The following MDFIC variants were observed in gnomAD, a reference collection of about 807,000 sequenced individuals.
MDFIC encodes the protein myoD family inhibitor domain-containing protein.
MDFIC carries 17 observed loss-of-function variants against 23.2 expected under a neutral mutation model. That is an observed-to-expected ratio of 0.73 (90% CI 0.50 to 1.10). MDFIC has a LOEUF of 1.10. MDFIC is among the 50% of genes least tolerant of loss of function. MDFIC has a pLI of 0.00. For synonymous variants in MDFIC, 120 were observed against 115.2 expected, an observed-to-expected ratio of 1.04 and a Z score of -0.27; for missense variants, 356 against 316.6, an observed-to-expected ratio of 1.12 and a Z score of -0.95.
chr7:114,943,465 A>C (rs1340478835), intron 3 of MDFIC, among the ~76,000 whole-genome samples: 3 of 152,282 alleles, frequency 2.0e-5, no homozygotes, highest in Non-Finnish European at 4.4e-5. Flanking sequence ...AAAGCTCTAA[A>C]AATGAGTGTT....
chr7:115,000,863 G>T (rs1025042445), intron 4 of MDFIC, among the ~76,000 whole-genome samples: 4 of 152,172 alleles, frequency 2.6e-5, no homozygotes, highest in Non-Finnish European at 5.9e-5. Context: ...ATAAATAAGT[G>T]CAGGAGAAAA....
At chr7:114,960,019 G>A (rs957520567) in intron 3 of MDFIC, among the ~76,000 whole-genome samples, 12 of 152,130 alleles carry the variant, frequency 7.9e-5, no homozygotes, top group Non-Finnish European at 1.6e-4. Context: ...TAGAGAAGGT[G>A]AGGTGTGGAG....
At chr7:114,974,283 C>A (rs1181033897) in intron 3 of MDFIC, among the ~76,000 whole-genome samples, 2 of 63,918 alleles carry the variant, frequency 3.1e-5, no homozygotes, top group Non-Finnish European at 6.0e-5. Flanking sequence ...CAAATAATTG[C>A]ATATATATGC....
intron 4 of MDFIC, among the ~76,000 whole-genome samples, chr7:114,996,419 C>G (rs957260735): frequency 3.9e-5 from 6 of 152,144 alleles, no homozygotes; most frequent in Admixed American, 6.5e-5. Context: ...AAGGAATGGC[C>G]ATTAACTGAG....
rs1242001422 is a variant in MDFIC, at chr7:114,979,493, GT to G, written c.218-8del. ...TTCTTTAACTGGCTGACTTTTTCCTGTTTTTAATTTAGCCCAACCTCAGCGC... is the reference window on the plus strand; with the variant it reads ...TTCTTTAACTGGCTGACTTTTTCCTGTTTTAATTTAGCCCAACCTCAGCGC... On this transcript the variant is annotated splice_polypyrimidine_tract_variant and intron_variant, in intron 3 of 4. Coordinates refer to ENST00000393486, the MANE Select transcript of MDFIC (RefSeq NM_001166345.3). 2 of 1,570,800 alleles carry G rather than the reference GT, an allele frequency of 1.3e-6. No homozygotes were observed. The highest frequency in any genetic ancestry group is 1.7e-6 in the Non-Finnish European group (2 of 1,161,420).
chr7:114,953,233 A>C (rs1399395776), intron 3 of MDFIC, among the ~76,000 whole-genome samples: 1 of 152,210 alleles, frequency 6.6e-6, no homozygotes, highest in African/African-American at 2.4e-5. Flanking sequence ...ATTCAAATAC[A>C]TGTAACTTGT....
intron 4 of MDFIC, among the ~76,000 whole-genome samples, chr7:115,012,275 C>G (rs1448193909): frequency 6.6e-6 from 1 of 152,142 alleles, no homozygotes; most frequent in African/African-American, 2.4e-5. Flanking sequence ...CATGAACATG[C>G]TGAACACTCA....
intron 4 of MDFIC, among the ~76,000 whole-genome samples, chr7:115,002,136 C>T (rs888618151): frequency 6.7e-6 from 1 of 148,694 alleles, no homozygotes; most frequent in Admixed American, 6.9e-5. Flanking sequence ...GCCTCTGTCT[C>T]AAAAAACAAA....
chr7:114,990,811 A>G (rs549710727), intron 4 of MDFIC, among the ~76,000 whole-genome samples: 135 of 152,234 alleles, frequency 8.9e-4, no homozygotes, highest in Non-Finnish European at 1.3e-3. Context: ...ATAAACATAC[A>G]TGTGCATGTG....
chr7:114,988,874 A>G (rs1406892355), intron 4 of MDFIC, among the ~76,000 whole-genome samples: 1 of 152,198 alleles, frequency 6.6e-6, no homozygotes, highest in Non-Finnish European at 1.5e-5. Flanking sequence ...AATCTGGATG[A>G]GATTTTAAAG....
chr7:114,956,873 T>C (rs1792894384), intron 3 of MDFIC, among the ~76,000 whole-genome samples: 1 of 152,154 alleles, frequency 6.6e-6, no homozygotes. Flanking sequence ...TTAAAGACCT[T>C]GTTTCAGAAA....
At position 114,978,229 on chromosome 7, in the gene MDFIC, C is replaced by A. The variant is rs1030500792; in HGVS notation, c.218-1277C>A. 5.9e-5 allele frequency among the ~76,000 whole-genome samples: 9 copies of A among 151,968 alleles called. 1 individual carries two copies. The highest frequency in any genetic ancestry group is 1.9e-4 in the African/African-American group (8 of 41,504). ...ATATCTCATACATCAAATCCTACAA[C>A]CCTCTTTTTCTTCTAAAAATTTCCT... On this transcript the variant is annotated intron_variant, in intron 3 of 4. Transcript: ENST00000393486.
intron 3 of MDFIC, among the ~76,000 whole-genome samples, chr7:114,943,363 A>T (rs754202616): frequency 6.6e-6 from 1 of 152,198 alleles, no homozygotes; most frequent in South Asian, 2.1e-4. Flanking sequence ...AAACAAAATA[A>T]ATTAGAAAAA....
intron 4 of MDFIC, among the ~76,000 whole-genome samples, chr7:115,014,884 G>A (rs1268055127): frequency 6.6e-6 from 1 of 152,072 alleles, no homozygotes; most frequent in Non-Finnish European, 1.5e-5. Context: ...ATCAGTTTTT[G>A]AAGTTTAATG....
At chr7:114,932,501 G>A (rs1792333144) in intron 2 of MDFIC, among the ~76,000 whole-genome samples, 1 of 152,200 alleles carries the variant, frequency 6.6e-6, no homozygotes, top group Non-Finnish European at 1.5e-5. Context: ...AAGTGGTGAT[G>A]AATTTTGGGA....
chr7:114,968,080 G>A (rs1228583115), intron 3 of MDFIC, among the ~76,000 whole-genome samples: 1 of 152,052 alleles, frequency 6.6e-6, no homozygotes, highest in South Asian at 2.1e-4. Flanking sequence ...GCCTCCCAAT[G>A]TGCTGGGATT....
chr7:114,953,456 C>T (rs1792820333), intron 3 of MDFIC, among the ~76,000 whole-genome samples: 1 of 152,162 alleles, frequency 6.6e-6, no homozygotes, highest in African/African-American at 2.4e-5. Context: ...ATTATTTCAA[C>T]ATTAAATTTG....
intron 3 of MDFIC, 55 bp downstream of exon 3, chr7:114,942,452 T>C: frequency 1.5e-6 from 2 of 1,331,056 alleles, no homozygotes; most frequent in Non-Finnish European, 2.0e-6. Flanking sequence ...TATGGTAATA[T>C]ATTCTTCGTT....
chr7:114,980,802 T>C (rs1310612478), intron 4 of MDFIC, among the ~76,000 whole-genome samples: 6 of 152,208 alleles, frequency 3.9e-5, no homozygotes, highest in African/African-American at 1.4e-4. Flanking sequence ...GTCATGCTTA[T>C]TCATAGAGAC....
Sources: gnomAD v4.1 joint callset for allele counts (sites outside exome capture counted in the v4.1 genomes callset) on GRCh38, gnomAD v4.1.1 for gene constraint, MANE v1.5 for transcripts, NCBI Gene and HGNC (gene_info 2026-07-23, HGNC 2026-07-21) for gene names.